The following HMBOX1 variants were observed in gnomAD, a reference collection of about 807,000 sequenced individuals.
The protein encoded by HMBOX1 is homeobox containing 1.
A neutral mutation model predicts 54.5 loss-of-function variants in HMBOX1; 14 were observed. The ratio of observed to expected loss-of-function variants is 0.26; its 90% CI spans 0.17 to 0.40. HMBOX1 has a LOEUF of 0.40. HMBOX1 is among the 10% of genes least tolerant of loss of function. The pLI is 1.00. For synonymous variants in HMBOX1, 160 were observed against 181.0 expected, an observed-to-expected ratio of 0.88 and a Z score of 0.93; for missense variants, 332 against 514.4, an observed-to-expected ratio of 0.65 and a Z score of 3.43.
At chr8:28,964,072 T>C (rs1826051142) in intron 2 of HMBOX1, among the ~76,000 whole-genome samples, 182 bp downstream of exon 2, 1 of 152,198 alleles carries the variant, frequency 6.6e-6, no homozygotes, top group Non-Finnish European at 1.5e-5. Context: ...GATCATGTGG[T>C]GAGAAATGAA....
At chr8:28,924,054 T>TA (rs1257653694) in intron 1 of HMBOX1, among the ~76,000 whole-genome samples, 1 of 152,060 alleles carries the variant, frequency 6.6e-6, no homozygotes, top group Non-Finnish European at 1.5e-5. Context: ...ATTTTCCGAT[T>TA]ATGTAGGTTA....
At chr8:28,998,244 AGTG>A (rs1284062959) in intron 4 of HMBOX1, among the ~76,000 whole-genome samples, 36 of 152,286 alleles carry the variant, frequency 2.4e-4, no homozygotes, top group African/African-American at 8.2e-4. Flanking sequence ...TATTATTGAA[AGTG>A]GTATATTGAT....
chr8:28,919,770 T>C (rs1477277882), intron 1 of HMBOX1, among the ~76,000 whole-genome samples: 1 of 152,246 alleles, frequency 6.6e-6, no homozygotes, highest in Non-Finnish European at 1.5e-5. Flanking sequence ...GAAGGTAGTA[T>C]ATAATTTGTA....
chr8:28,940,644 TTGGACAAGCAA>T (rs965148867), intron 1 of HMBOX1, among the ~76,000 whole-genome samples: 1 of 152,228 alleles, frequency 6.6e-6, no homozygotes, highest in African/African-American at 2.4e-5. Context: ...CAGACATCTT[TTGGACAAGCAA>T]TGGACCAGGA....
chr8:28,962,860 C>G (rs1198443144), intron 1 of HMBOX1, among the ~76,000 whole-genome samples: 1 of 151,886 alleles, frequency 6.6e-6, no homozygotes, highest in African/African-American at 2.4e-5. Context: ...ATTTTTGTCC[C>G]TAGTCTCTAT....
Position 29,037,840 on chromosome 8 carries a change from C to T in HMBOX1, c.852-7521C>T, listed in dbSNP as rs555611936. ...ATGTTTAAAGCTGGTTTTTTTCCTT[C>T]TTCTGAAAGAGTAATCTTTCTTCTA... On this transcript the variant is annotated intron_variant, in intron 6 of 9. Transcript: ENST00000287701. 2.6e-5 allele frequency among the ~76,000 whole-genome samples: 4 copies of T among 152,146 alleles called. No homozygotes were observed. In the South Asian group the frequency reaches 6.2e-4, roughly 24 times the overall value.
chr8:29,046,943 C>T (rs1428315275), intron 7 of HMBOX1, among the ~76,000 whole-genome samples: 2 of 152,160 alleles, frequency 1.3e-5, no homozygotes, highest in South Asian at 4.1e-4. Context: ...AATTGCACCA[C>T]CGCATTCCAG....
chr8:28,982,046 G>A lies in HMBOX1; in HGVS notation c.586+1890G>A, dbSNP rs138473155. On this transcript the variant is annotated intron_variant, in intron 4 of 9. Transcript: ENST00000287701. ...AGGTCAGGAGATCAAGACCATCCTG[G>A]CTAACACGGTGAAACTCTGTCTCTA... Among the ~76,000 whole-genome samples the A allele has an allele frequency of 1.7e-3, 265 of 152,114 alleles. 1 individual carries two copies. The highest frequency in any genetic ancestry group is 6.1e-3 in the African/African-American group (253 of 41,488).
chr8:28,893,492 A>T (rs897091688), intron 1 of HMBOX1, among the ~76,000 whole-genome samples: 5 of 152,188 alleles, frequency 3.3e-5, no homozygotes, highest in Non-Finnish European at 5.9e-5. Flanking sequence ...TTTAGTGAAC[A>T]CTATGTATGG....
At chr8:28,943,945 C>T (rs559795091) in intron 1 of HMBOX1, among the ~76,000 whole-genome samples, 26 of 152,154 alleles carry the variant, frequency 1.7e-4, no homozygotes, top group Admixed American at 6.5e-5. Context: ...GGTCAAAATA[C>T]GTCCACAGGA....
intron 2 of HMBOX1, among the ~76,000 whole-genome samples, chr8:28,968,517 A>G (rs1424315934): frequency 2.0e-5 from 3 of 152,210 alleles, no homozygotes; most frequent in African/African-American, 7.2e-5. Context: ...TCAACAATCA[A>G]TCCATCAACA....
Position 28,910,026 on chromosome 8 carries a change from T to C in HMBOX1, c.-58+19348T>C, listed in dbSNP as rs190137621. 3.6e-4 allele frequency among the ~76,000 whole-genome samples: 55 copies of C among 152,276 alleles called. No homozygotes were observed. In the East Asian group the frequency reaches 7.5e-3, roughly 21 times the overall value. ...TTCATCACCTCCACAAGAACCCTTA[T>C]GTTCTTTTATACTTAATCCCTATTC... On this transcript the variant is annotated intron_variant, in intron 1 of 9. Transcript: ENST00000287701.
intron 5 of HMBOX1, among the ~76,000 whole-genome samples, chr8:29,011,960 T>C (rs759114772): frequency 6.6e-6 from 1 of 152,228 alleles, no homozygotes; most frequent in Non-Finnish European, 1.5e-5. Flanking sequence ...TTTTAAAAAG[T>C]ACTTTCTATT....
intron 4 of HMBOX1, among the ~76,000 whole-genome samples, chr8:28,995,161 C>T (rs1043173825): frequency 6.6e-5 from 10 of 152,146 alleles, no homozygotes; most frequent in Admixed American, 6.5e-4. Flanking sequence ...CAGTAATTTC[C>T]AGTCCCCCAG....
chr8:29,024,970 C>A (rs538660401), intron 6 of HMBOX1, among the ~76,000 whole-genome samples: 6 of 150,880 alleles, frequency 4.0e-5, no homozygotes, highest in Non-Finnish European at 8.8e-5. Context: ...CTCCCTACCC[C>A]CCACCCCGTC....
At chr8:28,946,551 CAG>C (rs1182665245) in intron 1 of HMBOX1, among the ~76,000 whole-genome samples, 1 of 150,082 alleles carries the variant, frequency 6.7e-6, no homozygotes, top group Non-Finnish European at 1.5e-5. Flanking sequence ...GCCTGGGGGA[CAG>C]AGTGAGACTC....
chr8:28,895,639 C>G (rs1226650404), intron 1 of HMBOX1, among the ~76,000 whole-genome samples: 3 of 150,734 alleles, frequency 2.0e-5, no homozygotes, highest in Non-Finnish European at 2.9e-5. Context: ...TGCGCCGCTG[C>G]ACTCCAGCCT....
intron 4 of HMBOX1, among the ~76,000 whole-genome samples, chr8:28,990,585 AGGGACATTCT>A (rs1485905653): frequency 6.6e-6 from 1 of 152,124 alleles, no homozygotes; most frequent in East Asian, 1.9e-4. Context: ...TGTGTTCATG[AGGGACATTCT>A]GGGTTTATGT....
upstream of HMBOX1, chr8:28,890,248 TC>T: frequency 5.1e-6 from 1 of 194,448 alleles, no homozygotes; most frequent in Non-Finnish European, 1.1e-5. Flanking sequence ...CTTTCCCTCC[TC>T]CCAAAGGGAA....
Sources: gnomAD v4.1 joint callset for allele counts (sites outside exome capture counted in the v4.1 genomes callset) on GRCh38, gnomAD v4.1.1 for gene constraint, MANE v1.5 for transcripts, NCBI Gene and HGNC (gene_info 2026-07-23, HGNC 2026-07-21) for gene names.